EYS: variants seen among roughly 807,000 people sequenced by gnomAD.
EYS encodes EGF-like photoreceptor maintenance factor, also known as protein eyes shut homolog.
Under a neutral mutation model 282.1 loss-of-function variants are expected in EYS, and 250 were observed. That is an observed-to-expected ratio of 0.89 (90% CI 0.80 to 0.98). The LOEUF is 0.98. Ranked by LOEUF, EYS falls within the 50% of genes least tolerant of loss-of-function variation. EYS has a pLI of 0.00. For missense variants in EYS, 4,016 were observed against 3,709.0 expected (o/e 1.08, Z -2.15); for synonymous variants, 1,355 against 1,282.9 (o/e 1.06, Z -1.20).
At chr6:63,882,591 T>C (rs944370150) in intron 35 of EYS, among the ~76,000 whole-genome samples, 6 of 152,206 alleles carry the variant, frequency 3.9e-5, no homozygotes, top group Admixed American at 6.5e-5. Context: ...CCGTTTTGCA[T>C]TGAGTTTGCA....
chr6:64,390,538 T>C (rs1202128777), intron 28 of EYS, among the ~76,000 whole-genome samples: 1 of 150,624 alleles, frequency 6.6e-6, no homozygotes, highest in African/African-American at 2.5e-5. Flanking sequence ...GGGCAGGGTA[T>C]TCCAACAGAC....
At chr6:64,789,297 C>T (rs1353700091) in intron 22 of EYS, among the ~76,000 whole-genome samples, 1 of 152,182 alleles carries the variant, frequency 6.6e-6, no homozygotes, top group East Asian at 1.9e-4. Context: ...GACCCTGATT[C>T]TCAGCCATCT....
chr6:63,737,697 G>A (rs1258149574), intron 41 of EYS, among the ~76,000 whole-genome samples: 2 of 152,134 alleles, frequency 1.3e-5, no homozygotes, highest in East Asian at 1.9e-4. Flanking sequence ...GGTAGAATTT[G>A]GCTGTGAATC....
At chr6:65,280,216 A>C (rs1368366202) in intron 12 of EYS, among the ~76,000 whole-genome samples, 2 of 152,264 alleles carry the variant, frequency 1.3e-5, no homozygotes, top group Non-Finnish European at 2.9e-5. Context: ...TCCAATCCAC[A>C]AACAATGACT....
intron 26 of EYS, among the ~76,000 whole-genome samples, chr6:64,483,272 AG>A (rs1296029116): frequency 1.3e-5 from 2 of 151,744 alleles, no homozygotes; most frequent in Admixed American, 6.6e-5. Context: ...CTATGAAATG[AG>A]GGTAAGACTT....
chr6:64,825,563 A>G (rs1765029451), intron 19 of EYS, among the ~76,000 whole-genome samples: 1 of 151,894 alleles, frequency 6.6e-6, no homozygotes, highest in African/African-American at 2.4e-5. Context: ...CCAACCACGA[A>G]CAAAACAGTT....
At chr6:63,934,080 G>A (rs996572340) in intron 35 of EYS, among the ~76,000 whole-genome samples, 2 of 152,146 alleles carry the variant, frequency 1.3e-5, no homozygotes, top group Non-Finnish European at 2.9e-5. Context: ...CCATCAACAG[G>A]TGGGTGAAGG....
intron 1 of EYS, among the ~76,000 whole-genome samples, chr6:65,702,327 G>A (rs1178515099): frequency 2.6e-5 from 4 of 152,154 alleles, no homozygotes; most frequent in Non-Finnish European, 5.9e-5. Context: ...CTTAATGACA[G>A]TATTTACACT....
intron 2 of EYS, among the ~76,000 whole-genome samples, chr6:65,622,030 C>T (rs2149802599): frequency 6.6e-6 from 1 of 152,170 alleles, no homozygotes; most frequent in South Asian, 2.1e-4. Flanking sequence ...TCCCAAGTCT[C>T]CAAGCACAAG....
chr6:65,374,597 C>A (rs770818818), intron 8 of EYS, among the ~76,000 whole-genome samples: 1 of 151,312 alleles, frequency 6.6e-6, no homozygotes, highest in Non-Finnish European at 1.5e-5. Context: ...GGGAGCAAAG[C>A]GGTCTGGCTC....
chr6:64,898,766 A>C (rs1767555970), intron 18 of EYS, among the ~76,000 whole-genome samples: 1 of 151,000 alleles, frequency 6.6e-6, no homozygotes, highest in Non-Finnish European at 1.5e-5. Flanking sequence ...AATATTTACC[A>C]ACAAATGGAA....
intron 8 of EYS, among the ~76,000 whole-genome samples, chr6:65,369,323 T>C (rs1765045184): frequency 1.4e-5 from 2 of 142,454 alleles, no homozygotes; most frequent in Admixed American, 7.6e-5. Flanking sequence ...ATATTATATA[T>C]ATATATTTAT....
intron 36 of EYS, among the ~76,000 whole-genome samples, chr6:63,828,970 A>G (rs565589259): frequency 3.3e-5 from 5 of 152,224 alleles, no homozygotes; most frequent in Non-Finnish European, 7.3e-5. Context: ...AGCAGTACCC[A>G]CTACAGGGTA....
chr6:65,513,543 A>G (rs1183957919), intron 2 of EYS, among the ~76,000 whole-genome samples: 1 of 152,142 alleles, frequency 6.6e-6, no homozygotes, highest in African/African-American at 2.4e-5. Context: ...AATCCTCAAT[A>G]AAATACTGGC....
At chr6:63,892,264 A>G (rs1159739989) in intron 35 of EYS, among the ~76,000 whole-genome samples, 1 of 152,228 alleles carries the variant, frequency 6.6e-6, no homozygotes, top group Non-Finnish European at 1.5e-5. Flanking sequence ...AAGAGCCCAT[A>G]TAGACAAGAC....
chr6:64,740,716 T>A (rs1426787502), intron 22 of EYS, among the ~76,000 whole-genome samples: 2 of 1,586 alleles, frequency 1.3e-3, no homozygotes, highest in South Asian at 0.1. Flanking sequence ...ATATGTCCAC[T>A]TTTTTTTTTT....
chr6:64,569,930 A>C (rs537562414), intron 26 of EYS, among the ~76,000 whole-genome samples: 9 of 152,300 alleles, frequency 5.9e-5, no homozygotes, highest in Admixed American at 3.9e-4. Context: ...CAAATTCAGG[A>C]AATACGGAGA....
At chr6:64,458,320 T>G (rs1409000934) in intron 26 of EYS, among the ~76,000 whole-genome samples, 2 of 152,122 alleles carry the variant, frequency 1.3e-5, no homozygotes, top group Non-Finnish European at 2.9e-5. Context: ...TTTTTTTAGC[T>G]TGAAGAACTA....
intron 8 of EYS, among the ~76,000 whole-genome samples, chr6:65,356,373 G>C (rs1464402550): frequency 6.6e-6 from 1 of 151,918 alleles, no homozygotes; most frequent in Non-Finnish European, 1.5e-5. Flanking sequence ...AGGAGCTAAG[G>C]AACCATTTAA....
Sources: allele counts gnomAD v4.1 joint callset (sites outside exome capture counted in the v4.1 genomes callset), GRCh38; gene constraint gnomAD v4.1.1; transcripts MANE v1.5; gene names NCBI Gene and HGNC (gene_info 2026-07-23, HGNC 2026-07-21).